The following FMO4 variants were observed in gnomAD, a reference collection of about 807,000 sequenced individuals.
The protein encoded by FMO4 is dimethylaniline monooxygenase [N-oxide-forming] 4.
A neutral mutation model predicts 43.3 loss-of-function variants in FMO4; 38 were observed. That is an observed-to-expected ratio of 0.88 (90% CI 0.68 to 1.15). The LOEUF is 1.15. FMO4 is among the 50% of genes most tolerant of loss of function. FMO4 has a pLI of 0.00. For missense variants in FMO4, 631 were observed against 663.3 expected, an observed-to-expected ratio of 0.95 and a Z score of 0.54; for synonymous variants, 224 against 232.2, an observed-to-expected ratio of 0.96 and a Z score of 0.32.
chr1:171,331,761 A>G lies in FMO4; in HGVS notation c.606A>G (p.Glu202=). ...ACACTGGAGGAGACATTGCTGTGGA[A>G]CTCAGTCGAACGGCAGCTCAGGTAC... ...LGNTGGDIAV[E]LSRTAAQVLL... The change falls in exon 6 of 10, where the codon GAA becomes GAG. Residue 202 remains glutamate, a synonymous_variant. Transcript: ENST00000367749. The G allele has an allele frequency of 6.2e-7, 1 of 1,613,884 alleles. No individual in the cohort carries two copies. Among genetic ancestry groups the G allele is most frequent in the Non-Finnish European group, 8.5e-7 (1 of 1,179,838 alleles).
At position 171,341,883 on chromosome 1, in the gene FMO4, C is replaced by T; in HGVS notation, c.*44C>T. 6.7e-7 allele frequency: 1 copy of T among 1,492,410 alleles called. No homozygotes were observed. The highest frequency in any genetic ancestry group is 9.1e-7 in the Non-Finnish European group (1 of 1,096,260). The allele number at this position is 1,492,410 out of a possible 1,614,324, so 92.4% of individuals were successfully genotyped here. A position where few individuals can be genotyped will look rare whatever the true frequency, so the allele number is the denominator to read the frequency against. The stretch of plus-strand genomic sequence containing the variant: ...TTACACAAAGTCATGCTAATTCTAT[C>T]TCCAAGTATCTTGTGCATCCCTCCT... On this transcript the variant is annotated 3_prime_UTR_variant, in exon 10 of 10. Coordinates refer to ENST00000367749, the MANE Select transcript of FMO4 (RefSeq NM_002022.3).
At position 171,318,499 on chromosome 1, in the gene FMO4, A is replaced by G. The variant is rs150503691; in HGVS notation, c.-8-1319A>G. On this transcript the variant is annotated intron_variant, in intron 2 of 9. Coordinates refer to ENST00000367749, the MANE Select transcript of FMO4 (RefSeq NM_002022.3). ...GACCCCATTTCTATTTAAAAAAATT[A>G]AAATAAATAAAAAATAAATGTTTCA... Among the ~76,000 whole-genome samples, 5 of 152,172 alleles carry G rather than the reference A, an allele frequency of 3.3e-5. No homozygotes were observed. The East Asian group carries it at 9.7e-4, about 29-fold the overall frequency.
At position 171,326,986 on chromosome 1, in the gene FMO4, C is replaced by T. The variant is rs552370535; in HGVS notation, c.484+2686C>T. ...ATAATCATTGACTCAGAACTATCTA[C>T]ACATTCTCTATTTTTTCTTCTTCAA... On this transcript the variant is annotated intron_variant, in intron 5 of 9. Transcript: ENST00000367749. Among the ~76,000 whole-genome samples, 10 of 152,318 alleles carry T rather than the reference C, an allele frequency of 6.6e-5. No homozygotes were observed. The East Asian group carries it at 1.7e-3, about 26-fold the overall frequency.
At position 171,334,604 on chromosome 1, in the gene FMO4, C is replaced by A. The variant is rs771136767; in HGVS notation, c.1021C>A (p.Leu341Ile). The A allele has an allele frequency of 1.2e-6, 2 of 1,613,492 alleles. No individual in the cohort carries two copies. Among genetic ancestry groups the A allele is most frequent in the Non-Finnish European group, 1.7e-6 (2 of 1,179,642 alleles). Residue 341 changes from leucine to isoleucine, a missense_variant, in exon 8 of 10, where the codon CTT (leucine) becomes ATT (isoleucine). By Grantham distance (5) the Leu-to-Ile change is conservative. Coordinates refer to ENST00000367749, the MANE Select transcript of FMO4 (RefSeq NM_002022.3). ...TFSFPFFEEP[L>I]KSLCTKKIFL... is the part of the protein sequence containing the mutation. ...TTCTTTTCCATTTTTTGAAGAACCT[C>A]TTAAAAGCCTCTGTACAAAGAAGAT...
intron 3 of FMO4, among the ~76,000 whole-genome samples, chr1:171,322,296 A>T (rs939020551): frequency 3.3e-5 from 5 of 152,212 alleles, no homozygotes; most frequent in African/African-American, 4.8e-5. Context: ...TTCCCTGAGG[A>T]AAGGCAAAAA....
At chr1:171,320,132 A>G (rs773347030) in intron 3 of FMO4, among the ~76,000 whole-genome samples, 175 bp downstream of exon 3, 2 of 152,210 alleles carry the variant, frequency 1.3e-5, no homozygotes, top group Non-Finnish European at 2.9e-5. Flanking sequence ...TTGGTGAGGA[A>G]TCTTGAGAAT....
chr1:171,324,556 C>T (rs1275536159), intron 5 of FMO4, among the ~76,000 whole-genome samples: 1 of 151,924 alleles, frequency 6.6e-6, no homozygotes, highest in East Asian at 1.9e-4. Flanking sequence ...TCAGTGATCA[C>T]ATAAGGTTCA....
intron 1 of FMO4, among the ~76,000 whole-genome samples, chr1:171,315,955 C>T (rs1015329351): frequency 3.9e-5 from 6 of 152,134 alleles, no homozygotes; most frequent in African/African-American, 1.4e-4. Flanking sequence ...CCATATACAA[C>T]ATCTTAAGAG....
intron 1 of FMO4, among the ~76,000 whole-genome samples, chr1:171,315,319 C>T (rs751284707): frequency 2.6e-5 from 4 of 152,046 alleles, no homozygotes; most frequent in Non-Finnish European, 5.9e-5. Flanking sequence ...AATATAAGCA[C>T]CTTTGAGCAA....
intron 9 of FMO4, among the ~76,000 whole-genome samples, chr1:171,340,346 G>C (rs1387043598): frequency 1.3e-5 from 2 of 151,874 alleles, no homozygotes; most frequent in African/African-American, 4.8e-5. Context: ...TTACAGTTAG[G>C]GTTTTGCAAT....
At chr1:171,340,009 G>C (rs1663302678) in intron 9 of FMO4, among the ~76,000 whole-genome samples, 1 of 152,192 alleles carries the variant, frequency 6.6e-6, no homozygotes, top group Admixed American at 6.5e-5. Flanking sequence ...AGTGTGGTTT[G>C]GGAAAGATGG....
At chr1:171,327,458 G>T (rs1227643416) in intron 5 of FMO4, among the ~76,000 whole-genome samples, 4 of 152,042 alleles carry the variant, frequency 2.6e-5, no homozygotes, top group African/African-American at 9.7e-5. Flanking sequence ...TTGTTTGGTT[G>T]GTTGGTTTTT....
rs752631143 is a variant in FMO4, at chr1:171,331,712, G to A, written c.557G>A (p.Arg186His). 9.3e-6 allele frequency: 15 copies of A among 1,613,746 alleles called. No individual in the cohort carries two copies. Among genetic ancestry groups the A allele is most frequent in the Middle Eastern group, 1.6e-4 (1 of 6,080 alleles). ...YKIPEGFQGK[R>H]VLVIGLGNTG... ...ATCCCAGAAGGCTTTCAGGGCAAAC[G>A]CGTCTTGGTGATTGGTCTTGGGAAC... Residue 186 changes from arginine (R) to histidine (H), a missense_variant, in exon 6 of 10, where the codon CGC becomes CAC. By Grantham distance (29) the Arg-to-His change is conservative. Transcript: ENST00000367749.
At chr1:171,319,040 T>C (rs1174351148) in intron 2 of FMO4, among the ~76,000 whole-genome samples, 2 of 152,216 alleles carry the variant, frequency 1.3e-5, no homozygotes, top group Non-Finnish European at 2.9e-5. Flanking sequence ...TAAGTATTAC[T>C]AGTTCAGTGG....
At chr1:171,324,605 T>C (rs765256814) in intron 5 of FMO4, among the ~76,000 whole-genome samples, 72 of 152,192 alleles carry the variant, frequency 4.7e-4, no homozygotes, top group Non-Finnish European at 9.3e-4. Flanking sequence ...CAGGCTTTGA[T>C]TTTAGGGATT....
At position 171,324,212 on chromosome 1, in the gene FMO4, G is replaced by C. The variant is rs952652080; in HGVS notation, c.396G>C (p.Glu132Asp). 8.1e-6 allele frequency: 13 copies of C among 1,613,702 alleles called. No individual in the cohort carries two copies. Among genetic ancestry groups the C allele is most frequent in the Admixed American group, 3.3e-5 (2 of 59,968 alleles). ...TGQWDVVTET[E>D]GKQNRAVFDA... is the part of the protein sequence containing the mutation. ...AGTGGGATGTTGTCACAGAGACAGA[G>C]GGCAAGCAAAATAGAGCTGTCTTTG... is the stretch of plus-strand genomic sequence containing the variant. The change falls in exon 5 of 10, where the codon GAG becomes GAC. Residue 132 changes from glutamate (E) to aspartate (D), a missense_variant. Coordinates refer to ENST00000367749, the MANE Select transcript of FMO4 (RefSeq NM_002022.3).
At chr1:171,314,817 G>A (rs1158440155) in intron 1 of FMO4, among the ~76,000 whole-genome samples, 1 of 152,104 alleles carries the variant, frequency 6.6e-6, no homozygotes, top group African/African-American at 2.4e-5. Flanking sequence ...AACATAAAAT[G>A]ATCAAATTTC....
intron 3 of FMO4, 131 bp from the exon 4 acceptor site, chr1:171,322,868 AAAAGT>A: frequency 1.6e-6 from 1 of 637,702 alleles, no homozygotes; most frequent in Non-Finnish European, 2.7e-6. Flanking sequence ...ATCAATCAAT[AAAAGT>A]AAATAAAATT....
At chr1:171,324,383 G>A (rs190431550) in intron 5 of FMO4, 83 bp downstream of exon 5, 28 of 1,084,938 alleles carry the variant, frequency 2.6e-5, no homozygotes, top group South Asian at 3.5e-5. Flanking sequence ...TGGAAATACC[G>A]CCCCATGATT....
Sources: allele counts gnomAD v4.1 joint callset (sites outside exome capture counted in the v4.1 genomes callset), GRCh38; gene constraint gnomAD v4.1.1; transcripts MANE v1.5; gene names NCBI Gene and HGNC (gene_info 2026-07-23, HGNC 2026-07-21).